NHSL2: variants seen among roughly 807,000 people sequenced by gnomAD.
NHSL2 encodes the protein NHS like 2, also known as NHS-like protein 2.
Under a neutral mutation model 53.4 loss-of-function variants are expected in NHSL2, and 27 were observed. The ratio of observed to expected loss-of-function variants is 0.51; its 90% CI spans 0.37 to 0.70. The LOEUF is 0.70. Ranked by LOEUF, NHSL2 falls within the 30% of genes least tolerant of loss-of-function variation. NHSL2 has a pLI of 0.00. For synonymous variants in NHSL2, 408 were observed against 404.1 expected, an observed-to-expected ratio of 1.01 and a Z score of -0.12; for missense variants, 892 against 980.1, an observed-to-expected ratio of 0.91 and a Z score of 1.20.
In NHSL2 at chrX:72,107,984, G is replaced by A. The variant is rs755696328; in HGVS notation, c.281-24095G>A. On this transcript the variant is annotated intron_variant, in intron 1 of 7. Coordinates refer to ENST00000633930, the MANE Select transcript of NHSL2 (RefSeq NM_001013627.3). ...AGATGACTCTCTTGGCCCCGTGGAGGCTGGATCGTAAGAGAGCAAGATCTG... is the reference window on the plus strand; with the variant it reads ...AGATGACTCTCTTGGCCCCGTGGAGACTGGATCGTAAGAGAGCAAGATCTG... Among the ~76,000 whole-genome samples the A allele has an allele frequency of 3.6e-5, 4 of 112,034 alleles. 1 individual carries two copies. In the South Asian group the frequency reaches 1.5e-3, roughly 42 times the overall value.
At chrX:71,921,198 A>G (rs2041656716) in intron 1 of NHSL2, among the ~76,000 whole-genome samples, 1 of 109,628 alleles carries the variant, frequency 9.1e-6, no homozygotes, top group Non-Finnish European at 1.9e-5. Context: ...CTGGTGGATC[A>G]TCTGAAGTCA....
At chrX:71,973,742 G>A (rs2041936311) in intron 1 of NHSL2, among the ~76,000 whole-genome samples, 1 of 111,793 alleles carries the variant, frequency 8.9e-6, no homozygotes, top group Non-Finnish European at 1.9e-5. Context: ...TTGGCCCGTT[G>A]TGCCTGGGGT....
chrX:71,931,657 T>C lies in NHSL2; in HGVS notation c.280+20290T>C, dbSNP rs1185047581. 2.7e-5 allele frequency among the ~76,000 whole-genome samples: 3 copies of C among 112,518 alleles called. No individual in the cohort carries two copies. The East Asian group carries it at 8.3e-4, about 31-fold the overall frequency. ...CCATTGAATGGCATTGGTATCCTTG[T>C]GAAAAATCAATTGACTGTAGGTGAA... On this transcript the variant is annotated intron_variant, in intron 1 of 7. Coordinates refer to ENST00000633930, the MANE Select transcript of NHSL2 (RefSeq NM_001013627.3).
At chrX:71,998,296 T>C (rs2042058155) in intron 1 of NHSL2, among the ~76,000 whole-genome samples, 1 of 112,199 alleles carries the variant, frequency 8.9e-6, no homozygotes, top group African/African-American at 3.2e-5. Flanking sequence ...AAAAAGCACT[T>C]ATTAGCACTT....
At chrX:72,056,554 A>G (rs7058807) in intron 1 of NHSL2, among the ~76,000 whole-genome samples, 10,308 of 101,649 alleles carry the variant, frequency 0.1, 728 homozygotes, top group African/African-American at 0.28. Context: ...ACGTCTGCGC[A>G]CACACACACA....
At position 72,014,500 on chromosome X, in the gene NHSL2, G is replaced by A. The variant is rs12393762; in HGVS notation, c.280+103133G>A. 2.6e-3 allele frequency among the ~76,000 whole-genome samples: 288 copies of A among 111,278 alleles called. 1 individual carries two copies. Among genetic ancestry groups the A allele is most frequent in the African/African-American group, 9.0e-3 (276 of 30,705 alleles). On this transcript the variant is annotated intron_variant, in intron 1 of 7. Coordinates refer to ENST00000633930, the MANE Select transcript of NHSL2 (RefSeq NM_001013627.3). ...TATGTTGTATTTTCATTTTGATTCA[G>A]TTCAATGTATTTTTAAAATTTATCT...
chrX:71,967,217 T>C (rs1159292178), intron 1 of NHSL2, among the ~76,000 whole-genome samples: 1 of 111,649 alleles, frequency 9.0e-6, no homozygotes, highest in Non-Finnish European at 1.9e-5. Context: ...TTGATTTTAT[T>C]GATCTTTTAA....
chrX:72,070,746 C>T (rs918972262), intron 1 of NHSL2, among the ~76,000 whole-genome samples: 3 of 109,597 alleles, frequency 2.7e-5, no homozygotes, highest in African/African-American at 1.0e-4. Flanking sequence ...CCCCCACCAC[C>T]ACCACCACAC....
intron 1 of NHSL2, among the ~76,000 whole-genome samples, chrX:71,942,811 C>G (rs747630673): frequency 1.8e-5 from 2 of 111,501 alleles, no homozygotes; most frequent in South Asian, 3.8e-4. Context: ...CCCCCCACCC[C>G]CAGACTCAGG....
chrX:72,082,013 GC>G (rs2041796891), intron 1 of NHSL2, among the ~76,000 whole-genome samples: 1 of 112,057 alleles, frequency 8.9e-6, no homozygotes, highest in African/African-American at 3.2e-5. Context: ...CCAGGCATCG[GC>G]CCTAGAGCAT....
chrX:72,051,458 A>G (rs1315472924), intron 1 of NHSL2, among the ~76,000 whole-genome samples: 4 of 111,427 alleles, frequency 3.6e-5, no homozygotes, highest in Non-Finnish European at 5.7e-5. Context: ...ATCTGAGAGA[A>G]TCTGTTTCTC....
chrX:72,119,138 T>A (rs1050522587), intron 1 of NHSL2, among the ~76,000 whole-genome samples: 1 of 112,110 alleles, frequency 8.9e-6, no homozygotes, highest in Non-Finnish European at 1.9e-5. Flanking sequence ...GATCTATATG[T>A]CTATCCTTAT....
intron 1 of NHSL2, among the ~76,000 whole-genome samples, chrX:72,077,517 A>G (rs894437225): frequency 1.8e-5 from 2 of 111,492 alleles, no homozygotes; most frequent in Non-Finnish European, 3.8e-5. Context: ...ATGGAAACTT[A>G]TATACACAGC....
intron 1 of NHSL2, among the ~76,000 whole-genome samples, chrX:72,009,963 G>A (rs2147891726): frequency 8.8e-6 from 1 of 113,259 alleles, no homozygotes; most frequent in South Asian, 3.6e-4. Context: ...GCTGTTCACA[G>A]TTTCCTCTAA....
Position 72,006,943 on chromosome X carries a change from G to T in NHSL2, c.280+95576G>T, listed in dbSNP as rs1329825718. 2.7e-5 allele frequency among the ~76,000 whole-genome samples: 3 copies of T among 112,583 alleles called. No homozygotes were observed. The East Asian group carries it at 8.3e-4, about 31-fold the overall frequency. On this transcript the variant is annotated intron_variant, in intron 1 of 7. Transcript: ENST00000633930. ...TTTTGCTCTGCAATTCCATTGCCCA[G>T]CCCAGTGTGAATGGACAAGAAAGTG...
At position 71,912,261 on chromosome X, in the gene NHSL2, T is replaced by A. The variant is rs780077942; in HGVS notation, c.280+894T>A. 1.5e-3 allele frequency among the ~76,000 whole-genome samples: 171 copies of A among 112,127 alleles called. 1 individual carries two copies. The highest frequency in any genetic ancestry group is 5.2e-3 in the African/African-American group (162 of 30,882). On this transcript the variant is annotated intron_variant, in intron 1 of 7. Transcript: ENST00000633930. ...CACTTTACACGGGGAATCCTCTGTC[T>A]GTGGAAATGCAGTGCCCCTGAGAGT...
chrX:71,972,950 C>T (rs1424320893), intron 1 of NHSL2, among the ~76,000 whole-genome samples: 1 of 107,944 alleles, frequency 9.3e-6, no homozygotes, highest in Non-Finnish European at 1.9e-5. Context: ...AATTTTGCTC[C>T]ATGTTCAACA....
chrX:71,951,917 T>C (rs1001098984), intron 1 of NHSL2, among the ~76,000 whole-genome samples: 2 of 111,661 alleles, frequency 1.8e-5, no homozygotes, highest in Non-Finnish European at 3.8e-5. Context: ...TTCTGTTGTA[T>C]TTAACCCTTA....
intron 1 of NHSL2, among the ~76,000 whole-genome samples, chrX:72,050,269 G>T (rs1478106189): frequency 9.0e-6 from 1 of 111,284 alleles, no homozygotes; most frequent in African/African-American, 3.3e-5. Flanking sequence ...GCAAAGGCGG[G>T]TAGGGGCAAG....
Sources: gnomAD v4.1 joint callset for allele counts (sites outside exome capture counted in the v4.1 genomes callset) on GRCh38, gnomAD v4.1.1 for gene constraint, MANE v1.5 for transcripts, NCBI Gene and HGNC (gene_info 2026-07-23, HGNC 2026-07-21) for gene names.